Variants in FTO observed in about 807,000 individuals in gnomAD.
FTO encodes the protein FTO alpha-ketoglutarate dependent dioxygenase.
A neutral mutation model predicts 63.9 loss-of-function variants in FTO; 47 were observed. The observed-to-expected ratio is 0.74, with a 90% CI of 0.58 to 0.94. The LOEUF (loss-of-function observed/expected upper bound fraction) is 0.94. FTO is among the 40% of genes least tolerant of loss of function. The pLI is 0.00. For missense variants in FTO, 562 were observed against 618.1 expected (o/e 0.91, Z 0.96); for synonymous variants, 207 against 224.4 (o/e 0.92, Z 0.69).
At chr16:54,055,229 T>A (rs2085404489) in intron 8 of FTO, among the ~76,000 whole-genome samples, 1 of 152,198 alleles carries the variant, frequency 6.6e-6, no homozygotes, top group Non-Finnish European at 1.5e-5. Flanking sequence ...AGTAGAGAAG[T>A]ATCTTGAAGA....
intron 8 of FTO, among the ~76,000 whole-genome samples, chr16:54,086,343 A>G (rs2086254842): frequency 6.6e-6 from 1 of 152,238 alleles, no homozygotes. Flanking sequence ...TGGCAAGGGC[A>G]CTGCAGGATC....
At chr16:53,820,505 T>A (rs1014981605) in intron 2 of FTO, among the ~76,000 whole-genome samples, 21 of 151,772 alleles carry the variant, frequency 1.4e-4, no homozygotes, top group African/African-American at 5.1e-4. Context: ...ATACTTTAAG[T>A]TTTAGGGTAC....
chr16:53,872,940 T>C (rs7188378), intron 4 of FTO, among the ~76,000 whole-genome samples: 75,775 of 151,596 alleles, frequency 0.5, 19,446 homozygotes, highest in East Asian at 0.86. Context: ...TTAGGATATA[T>C]AACAACTTGG....
chr16:53,879,764 A>G, intron 5 of FTO, 80 bp from the exon 6 acceptor site: 1 of 1,547,422 alleles, frequency 6.5e-7, no homozygotes, highest in Non-Finnish European at 8.9e-7. Flanking sequence ...GCCAGGGACA[A>G]ATATGAACAA....
At chr16:53,760,029 C>G (rs1408905873) in intron 1 of FTO, among the ~76,000 whole-genome samples, 1 of 152,248 alleles carries the variant, frequency 6.6e-6, no homozygotes, top group East Asian at 1.9e-4. Flanking sequence ...AACCTCTGCT[C>G]TTGACTTCCA....
chr16:53,714,050 T>A (rs556510204), intron 1 of FTO, among the ~76,000 whole-genome samples: 5 of 152,304 alleles, frequency 3.3e-5, no homozygotes, highest in Middle Eastern at 3.4e-3. Flanking sequence ...ATGCCTCCCC[T>A]TATGTTAAAA....
chr16:53,812,331 C>T (rs957078578), intron 2 of FTO, among the ~76,000 whole-genome samples: 3 of 148,734 alleles, frequency 2.0e-5, no homozygotes, highest in Admixed American at 1.3e-4. Flanking sequence ...AGTGCAGTGG[C>T]GCGATCTGAG....
chr16:53,708,558 T>TTACG lies in FTO; in HGVS notation c.45+4331_45+4332insCGTA, dbSNP rs1555621132. On this transcript the variant is annotated intron_variant, in intron 1 of 8. Coordinates refer to ENST00000471389, the MANE Select transcript of FTO (RefSeq NM_001080432.3). ...ATACTTAGGAGTGGAATTACAGGACTTATGGTAAATCTATGTTTAACATTT... is the reference window on the plus strand; with the variant it reads ...ATACTTAGGAGTGGAATTACAGGACTTACGTATGGTAAATCTATGTTTAACATTT... Among the ~76,000 whole-genome samples, 3 of 152,358 alleles carry TTACG rather than the reference T, an allele frequency of 2.0e-5. No homozygotes were observed. In the East Asian group the frequency reaches 5.8e-4, roughly 29 times the overall value.
chr16:54,032,039 C>T (rs73618502), intron 8 of FTO, among the ~76,000 whole-genome samples: 48 of 152,230 alleles, frequency 3.2e-4, no homozygotes, highest in African/African-American at 1.2e-3. Flanking sequence ...AAGATGGCTC[C>T]ATTCTGGGAA....
chr16:53,956,629 G>C (rs2082936766), intron 8 of FTO: 1 of 151,522 alleles, frequency 6.6e-6, no homozygotes, highest in South Asian at 2.1e-4. Context: ...GCATAATACA[G>C]TCATGAAACA....
At chr16:53,833,073 C>T (rs571288598) in intron 3 of FTO, among the ~76,000 whole-genome samples, 4 of 152,126 alleles carry the variant, frequency 2.6e-5, no homozygotes, top group Non-Finnish European at 5.9e-5. Flanking sequence ...ATCATGAGGC[C>T]GGTCTTTCCC....
At chr16:53,941,508 A>G (rs562607715) in intron 8 of FTO, among the ~76,000 whole-genome samples, 1 of 152,222 alleles carries the variant, frequency 6.6e-6, no homozygotes, top group African/African-American at 2.4e-5. Context: ...TACCAGAATG[A>G]AAGTTTTATG....
chr16:53,888,734 C>A, intron 6 of FTO, 98 bp from the exon 7 acceptor site: 3 of 1,290,052 alleles, frequency 2.3e-6, no homozygotes, highest in Non-Finnish European at 3.4e-6. Flanking sequence ...ATCCTATGGC[C>A]ATCAAGTTAC....
At chr16:53,934,256 C>A (rs765407496) in intron 8 of FTO, 147 bp downstream of exon 8, 7 of 785,076 alleles carry the variant, frequency 8.9e-6, no homozygotes, top group Non-Finnish European at 1.5e-5. Flanking sequence ...CTAAAGTTAG[C>A]TTTCCTGCCC....
intron 1 of FTO, among the ~76,000 whole-genome samples, chr16:53,743,930 AG>A (rs1243367708): frequency 6.6e-6 from 1 of 152,158 alleles, no homozygotes; most frequent in East Asian, 1.9e-4. Context: ...AGTTGTGGGC[AG>A]AGTTTTGACT....
At chr16:53,760,026 G>C (rs1286068260) in intron 1 of FTO, among the ~76,000 whole-genome samples, 2 of 152,094 alleles carry the variant, frequency 1.3e-5, no homozygotes, top group African/African-American at 4.8e-5. Flanking sequence ...TCTAACCTCT[G>C]CTCTTGACTT....
At chr16:53,931,805 C>T (rs1290935259) in intron 7 of FTO, among the ~76,000 whole-genome samples, 1 of 151,808 alleles carries the variant, frequency 6.6e-6, no homozygotes, top group African/African-American at 2.4e-5. Context: ...TCATTTGACC[C>T]ACATGGTATT....
intron 1 of FTO, among the ~76,000 whole-genome samples, chr16:53,755,950 A>AT (rs2151585431): frequency 6.6e-6 from 1 of 152,186 alleles, no homozygotes; most frequent in East Asian, 1.9e-4. Flanking sequence ...GTTATTTTGG[A>AT]TTTTTTGTCA....
At chr16:53,894,649 TATAA>T (rs1057288226) in intron 7 of FTO, among the ~76,000 whole-genome samples, 3 of 151,722 alleles carry the variant, frequency 2.0e-5, no homozygotes, top group African/African-American at 7.3e-5. Context: ...TGTGTGTGTG[TATAA>T]TTTTTTTCAC....
Sources: gnomAD v4.1 joint callset for allele counts (sites outside exome capture counted in the v4.1 genomes callset) on GRCh38, gnomAD v4.1.1 for gene constraint, MANE v1.5 for transcripts, NCBI Gene and HGNC (gene_info 2026-07-23, HGNC 2026-07-21) for gene names.